NTRK3: variants seen among roughly 807,000 people sequenced by gnomAD.
NTRK3 encodes NT-3 growth factor receptor.
A neutral mutation model predicts 91.7 loss-of-function variants in NTRK3; 24 were observed. The ratio of observed to expected loss-of-function variants is 0.26; its 90% CI spans 0.19 to 0.37. NTRK3 has a LOEUF of 0.37. NTRK3 is among the 10% of genes least tolerant of loss of function. The pLI, the probability that NTRK3 is intolerant of heterozygous loss-of-function variation, is 1.00. For missense variants in NTRK3, 880 were observed against 1,068.9 expected (o/e 0.82, Z 2.46); for synonymous variants, 483 against 404.0 (o/e 1.20, Z -2.34).
chr15:88,203,486 A>G (rs1170677155), intron 3 of NTRK3, among the ~76,000 whole-genome samples: 1 of 152,132 alleles, frequency 6.6e-6, no homozygotes, highest in Non-Finnish European at 1.5e-5. Flanking sequence ...CACCCTAACG[A>G]ACAGGTTTTA....
rs2053401142 is a variant in NTRK3, at chr15:88,127,368, C to G, written c.1229-142G>C. The G allele has an allele frequency of 9.4e-6, 7 of 741,610 alleles. No homozygotes were observed. In the South Asian group the frequency reaches 1.0e-4, roughly 11 times the overall value. 45.9% of individuals were successfully genotyped at this position (741,610 alleles called of 1,614,324 possible). A position where few individuals can be genotyped will look rare whatever the true frequency, so the allele number is the denominator to read the frequency against. On this transcript the variant is annotated intron_variant, in intron 11 of 18. Transcript: ENST00000394480. ...TGAAAGCCAGGCTCTTGCAGTCTGCCTTCCCCAGGCTTTGCAGGACCCCCC... is the reference window on the plus strand; with the variant it reads ...TGAAAGCCAGGCTCTTGCAGTCTGCGTTCCCCAGGCTTTGCAGGACCCCCC...
chr15:87,869,120 C>T (rs971647195), exon 19 of NTRK3: 6 of 228,954 alleles, frequency 2.6e-5, no homozygotes, highest in South Asian at 1.8e-4. Flanking sequence ...CAGGGGAAAC[C>T]CAATACAATG....
intron 5 of NTRK3, among the ~76,000 whole-genome samples, chr15:88,173,100 A>C (rs190380092): frequency 1.3e-5 from 2 of 152,202 alleles, no homozygotes; most frequent in Non-Finnish European, 2.9e-5. Context: ...TAAAAGCAGG[A>C]AGGATCCATT....
chr15:87,901,384 C>T (rs561352051), intron 17 of NTRK3, among the ~76,000 whole-genome samples: 48 of 152,312 alleles, frequency 3.2e-4, no homozygotes, highest in Non-Finnish European at 5.3e-4. Context: ...TGTAGGCTAA[C>T]GAAACTGGGA....
intron 14 of NTRK3, among the ~76,000 whole-genome samples, chr15:87,981,992 T>C (rs1414723570): frequency 4.6e-5 from 7 of 152,280 alleles, no homozygotes; most frequent in African/African-American, 1.2e-4. Context: ...AGAGATATCA[T>C]TGTAGCTTCT....
At chr15:87,915,500 C>T (rs992880295) in intron 17 of NTRK3, among the ~76,000 whole-genome samples, 30 of 152,222 alleles carry the variant, frequency 2.0e-4, no homozygotes, top group African/African-American at 7.2e-4. Flanking sequence ...CTGCAGATGC[C>T]TAAAAGTGTT....
exon 16 of NTRK3, chr15:87,933,106 G>T (rs2141955997): frequency 6.2e-7 from 1 of 1,614,122 alleles, no homozygotes; most frequent in Non-Finnish European, 8.5e-7. Context: ...TTGACAATGT[G>T]CTCATGCTGC....
chr15:87,864,147 CAA>C, exon 19 of NTRK3: 1 of 232,788 alleles, frequency 4.3e-6, no homozygotes, highest in Non-Finnish European at 8.5e-6. Flanking sequence ...TTTCTTGCCC[CAA>C]CTTGCTTTCC....
At chr15:87,919,666 A>C (rs769987627) in intron 17 of NTRK3, among the ~76,000 whole-genome samples, 1 of 152,234 alleles carries the variant, frequency 6.6e-6, no homozygotes, top group Non-Finnish European at 1.5e-5. Context: ...AATTCTGTTC[A>C]GGTAATTCTT....
chr15:88,157,288 T>C (rs1204294033), intron 5 of NTRK3, among the ~76,000 whole-genome samples: 2 of 151,594 alleles, frequency 1.3e-5, no homozygotes, highest in Non-Finnish European at 2.9e-5. Flanking sequence ...CATACACACT[T>C]ATCCCCACAG....
rs781399418 is a variant in NTRK3, at chr15:88,136,062, T to C, written c.766-22A>G. The C allele has an allele frequency of 2.8e-5, 45 of 1,614,164 alleles. No individual in the cohort carries two copies. In the East Asian group the frequency reaches 8.0e-4, roughly 29 times the overall value. On this transcript the variant is annotated intron_variant, in intron 8 of 18. Transcript: ENST00000394480. ...TGGTCTGAAAACCCCAATAAAAAGATAACAATCAGATAGCTTCTACAAGGA... is the reference window on the plus strand; with the variant it reads ...TGGTCTGAAAACCCCAATAAAAAGACAACAATCAGATAGCTTCTACAAGGA...
intron 14 of NTRK3, among the ~76,000 whole-genome samples, chr15:87,999,374 A>T (rs2075938341): frequency 6.6e-6 from 1 of 152,186 alleles, no homozygotes; most frequent in Non-Finnish European, 1.5e-5. Flanking sequence ...GGTACTTAGT[A>T]GTCTAAACTT....
chr15:88,012,503 G>C (rs555948007), intron 14 of NTRK3, among the ~76,000 whole-genome samples: 1 of 152,280 alleles, frequency 6.6e-6, no homozygotes, highest in Non-Finnish European at 1.5e-5. Flanking sequence ...GGCAGGGTGA[G>C]AATGAGGCTG....
At chr15:88,049,608 G>A (rs2080605663) in intron 13 of NTRK3, among the ~76,000 whole-genome samples, 1 of 152,114 alleles carries the variant, frequency 6.6e-6, no homozygotes, top group Admixed American at 6.5e-5. Context: ...GTCAACCCTG[G>A]CCAAGAGGCT....
intron 3 of NTRK3, among the ~76,000 whole-genome samples, chr15:88,187,581 T>C (rs977684379): frequency 5.3e-5 from 8 of 152,222 alleles, no homozygotes; most frequent in Non-Finnish European, 8.8e-5. Flanking sequence ...CCCAGAACGA[T>C]TACACGTGGC....
intron 13 of NTRK3, 89 bp downstream of exon 13, chr15:88,126,182 G>T: frequency 1.0e-6 from 1 of 981,232 alleles, no homozygotes; most frequent in South Asian, 1.4e-5. Flanking sequence ...CCCTCTCAGA[G>T]AGCAATGGGA....
At chr15:88,116,190 G>T (rs186900199) in intron 13 of NTRK3, among the ~76,000 whole-genome samples, 1 of 152,298 alleles carries the variant, frequency 6.6e-6, no homozygotes. Flanking sequence ...GAAAGAGGTG[G>T]CAGTTTGGTT....
At chr15:88,208,883 G>A (rs1438426274) in intron 3 of NTRK3, among the ~76,000 whole-genome samples, 1 of 19,476 alleles carries the variant, frequency 5.1e-5, no homozygotes, top group East Asian at 9.4e-3. Flanking sequence ...AGGTTCCTTA[G>A]GGGATCAAGT....
intron 3 of NTRK3, among the ~76,000 whole-genome samples, chr15:88,213,856 G>T (rs897145807): frequency 6.6e-6 from 1 of 152,122 alleles, no homozygotes; most frequent in Non-Finnish European, 1.5e-5. Context: ...AAGGCGGGTG[G>T]ATCACCTGAG....
Sources: allele counts gnomAD v4.1 joint callset (sites outside exome capture counted in the v4.1 genomes callset), GRCh38; gene constraint gnomAD v4.1.1; transcripts MANE v1.5; gene names NCBI Gene and HGNC (gene_info 2026-07-23, HGNC 2026-07-21).